Variants in CHODL observed in about 807,000 individuals in gnomAD.
CHODL encodes transmembrane protein MT75.
Under a neutral mutation model 34.5 loss-of-function variants are expected in CHODL, and 29 were observed. The ratio of observed to expected loss-of-function variants is 0.84; its 90% CI spans 0.63 to 1.15. The LOEUF (loss-of-function observed/expected upper bound fraction) is 1.15. Among genes scored for constraint, CHODL ranks in the 50% most tolerant of loss-of-function variants. The probability of loss-of-function intolerance (pLI) is 0.00; values close to 1 mark genes in which losing one functional copy is unlikely to be tolerated. For missense variants in CHODL, 332 were observed against 332.5 expected (o/e 1.00, Z 0.01); for synonymous variants, 125 against 116.1 (o/e 1.08, Z -0.49).
At chr21:18,041,718 CTAGTT>C (rs1301364426) in intron 2 of CHODL, among the ~76,000 whole-genome samples, 1 of 151,782 alleles carries the variant, frequency 6.6e-6, no homozygotes, top group African/African-American at 2.4e-5. Context: ...ACTGAGATGT[CTAGTT>C]CAGTTCTTTT....
At chr21:18,203,965 C>T (rs915921598) in intron 2 of CHODL, among the ~76,000 whole-genome samples, 2 of 152,126 alleles carry the variant, frequency 1.3e-5, no homozygotes, top group African/African-American at 4.8e-5. Context: ...ACAACTGATA[C>T]AAATCTTCAA....
At chr21:18,208,976 A>G (rs1325197676) in intron 2 of CHODL, among the ~76,000 whole-genome samples, 1 of 150,246 alleles carries the variant, frequency 6.7e-6, no homozygotes, top group Non-Finnish European at 1.5e-5. Flanking sequence ...ACCTGAAGCC[A>G]GTACAGTACT....
intron 1 of CHODL, among the ~76,000 whole-genome samples, chr21:18,017,083 T>A (rs1036792776): frequency 2.0e-5 from 3 of 152,240 alleles, no homozygotes; most frequent in African/African-American, 7.2e-5. Flanking sequence ...TTGTCTCAGA[T>A]GAGACTTTGC....
chr21:18,164,044 C>G (rs1450150275), intron 2 of CHODL, among the ~76,000 whole-genome samples: 6 of 152,160 alleles, frequency 3.9e-5, no homozygotes, highest in African/African-American at 1.4e-4. Context: ...ATGCATTAAA[C>G]TTTTATATTA....
At chr21:18,240,946 A>G (rs561758491), upstream of CHODL, among the ~76,000 whole-genome samples, 21 of 152,292 alleles carry the variant, frequency 1.4e-4, no homozygotes, top group Non-Finnish European at 2.4e-4. Context: ...ATAATTCTTC[A>G]TTATATTTCT....
At chr21:18,035,293 C>T (rs563357070) in intron 2 of CHODL, among the ~76,000 whole-genome samples, 28 of 151,856 alleles carry the variant, frequency 1.8e-4, no homozygotes, top group South Asian at 4.1e-4. Flanking sequence ...ATTTTAAATA[C>T]GTTTTATCAC....
At chr21:18,119,958 C>T (rs1020836064) in intron 2 of CHODL, among the ~76,000 whole-genome samples, 1 of 152,020 alleles carries the variant, frequency 6.6e-6, no homozygotes, top group African/African-American at 2.4e-5. Context: ...ATAGATAATG[C>T]CTAAGAATAT....
rs184248765 is a variant in CHODL at position 18,253,223 on chromosome 21, T to C, written c.80-3286T>C. 3.0e-3 allele frequency among the ~76,000 whole-genome samples: 458 copies of C among 152,226 alleles called. 4 individuals are homozygous for C. Among genetic ancestry groups the C allele is most frequent in the African/African-American group, 0.011 (443 of 41,528 alleles). ...GGATAATGAACAGTGACTTTTAGCATATGCATCATACCCAGGAATTCCCTG... is the reference window on the plus strand; with the variant it reads ...GGATAATGAACAGTGACTTTTAGCACATGCATCATACCCAGGAATTCCCTG... On this transcript the variant is annotated intron_variant, in intron 1 of 5. Coordinates refer to ENST00000299295, the MANE Select transcript of CHODL (RefSeq NM_024944.3).
At chr21:18,210,909 TG>T (rs2073765784) in intron 2 of CHODL, among the ~76,000 whole-genome samples, 1 of 152,180 alleles carries the variant, frequency 6.6e-6, no homozygotes, top group Non-Finnish European at 1.5e-5. Context: ...GTCATTAAAA[TG>T]GCCTTCAAAG....
chr21:17,981,402 A>G (rs573356511), intron 1 of CHODL, among the ~76,000 whole-genome samples: 23 of 152,330 alleles, frequency 1.5e-4, no homozygotes, highest in Admixed American at 6.5e-4. Context: ...TTTTTTTAAA[A>G]AAATATAATT....
At chr21:18,042,258 G>A (rs2064385049) in intron 2 of CHODL, among the ~76,000 whole-genome samples, 1 of 151,824 alleles carries the variant, frequency 6.6e-6, no homozygotes, top group African/African-American at 2.4e-5. Flanking sequence ...TGCTAGTCAG[G>A]TCTTGGATGA....
At chr21:17,964,209 A>T (rs1043368966) in intron 1 of CHODL, among the ~76,000 whole-genome samples, 1 of 152,242 alleles carries the variant, frequency 6.6e-6, no homozygotes, top group African/African-American at 2.4e-5. Flanking sequence ...TTATTTAATG[A>T]TCGATACATG....
At chr21:17,984,039 A>C (rs574733220) in intron 1 of CHODL, among the ~76,000 whole-genome samples, 46 of 152,302 alleles carry the variant, frequency 3.0e-4, no homozygotes, top group African/African-American at 1.1e-3. Flanking sequence ...TTATTTATCT[A>C]GCATAAACTT....
At chr21:18,011,883 A>T (rs1463065427) in intron 1 of CHODL, among the ~76,000 whole-genome samples, 1 of 152,248 alleles carries the variant, frequency 6.6e-6, no homozygotes, top group Non-Finnish European at 1.5e-5. Flanking sequence ...CTGCAAAATC[A>T]TTCTACAGGG....
chr21:18,221,571 T>C (rs2073883959), intron 2 of CHODL, among the ~76,000 whole-genome samples: 1 of 152,234 alleles, frequency 6.6e-6, no homozygotes. Flanking sequence ...CTCAATTAGA[T>C]AGAATGCTTT....
intron 2 of CHODL, among the ~76,000 whole-genome samples, chr21:18,143,262 A>G (rs2072824572): frequency 6.6e-6 from 1 of 152,210 alleles, no homozygotes; most frequent in African/African-American, 2.4e-5. Flanking sequence ...TAGGAACACT[A>G]TAACCATGTA....
chr21:18,134,351 T>C, intron 2 of CHODL: 1 of 517,836 alleles, frequency 1.9e-6, no homozygotes, highest in South Asian at 1.4e-5. Context: ...CACTTTTTAG[T>C]CCACTGAGTG....
At chr21:17,961,327 C>T (rs2063530784) in intron 1 of CHODL, among the ~76,000 whole-genome samples, 1 of 152,148 alleles carries the variant, frequency 6.6e-6, no homozygotes, top group Admixed American at 6.5e-5. Flanking sequence ...CAAGTTTGGC[C>T]CGCAGTGAGC....
chr21:18,156,299 T>G (rs2073034325), intron 2 of CHODL, among the ~76,000 whole-genome samples: 1 of 152,208 alleles, frequency 6.6e-6, no homozygotes, highest in African/African-American at 2.4e-5. Flanking sequence ...TTTTATTTTA[T>G]TTTTTCAGTG....
Sources: gnomAD v4.1 joint callset for allele counts (sites outside exome capture counted in the v4.1 genomes callset) on GRCh38, gnomAD v4.1.1 for gene constraint, MANE v1.5 for transcripts, NCBI Gene and HGNC (gene_info 2026-07-23, HGNC 2026-07-21) for gene names.